EBF2: variants seen among roughly 807,000 people sequenced by gnomAD.
EBF2 encodes the protein transcription factor COE2.
A neutral mutation model predicts 72.8 loss-of-function variants in EBF2; 21 were observed. The ratio of observed to expected loss-of-function variants is 0.29; its 90% CI spans 0.20 to 0.42. The LOEUF (loss-of-function observed/expected upper bound fraction) is 0.42, where lower values mean the gene tolerates loss of function less well. Among genes scored for constraint, EBF2 ranks in the 10% least tolerant of loss-of-function variants. The pLI is 1.00. For synonymous variants in EBF2, 299 were observed against 274.2 expected, an observed-to-expected ratio of 1.09 and a Z score of -0.89; for missense variants, 637 against 731.2, an observed-to-expected ratio of 0.87 and a Z score of 1.49.
At chr8:25,949,653 C>T (rs17816202) in intron 6 of EBF2, among the ~76,000 whole-genome samples, 5,249 of 152,106 alleles carry the variant, frequency 0.035, 132 homozygotes, top group Non-Finnish European at 0.053. Flanking sequence ...AATGAGGTTT[C>T]CAAATCATTC....
At chr8:25,967,350 A>C (rs1467134809) in intron 6 of EBF2, among the ~76,000 whole-genome samples, 2 of 152,340 alleles carry the variant, frequency 1.3e-5, no homozygotes, top group Middle Eastern at 3.4e-3. Context: ...ATGGGGTTAT[A>C]TCCCAATAAA....
chr8:25,916,002 T>C (rs570185903), intron 6 of EBF2, among the ~76,000 whole-genome samples: 2 of 152,178 alleles, frequency 1.3e-5, no homozygotes, highest in African/African-American at 4.8e-5. Flanking sequence ...TTAAAGACCT[T>C]ATGGCCAGAC....
intron 6 of EBF2, among the ~76,000 whole-genome samples, chr8:25,975,442 T>C (rs1212930624): frequency 6.6e-6 from 1 of 152,174 alleles, no homozygotes; most frequent in Non-Finnish European, 1.5e-5. Flanking sequence ...AAAATTCAGA[T>C]GTACATTTTT....
intron 6 of EBF2, among the ~76,000 whole-genome samples, chr8:25,975,612 T>C (rs996398863): frequency 6.6e-6 from 1 of 152,238 alleles, no homozygotes; most frequent in African/African-American, 2.4e-5. Flanking sequence ...TTTTAAAAAC[T>C]GTGCTATAGG....
Position 25,861,071 on chromosome 8 carries a change from C to T in EBF2, c.1320G>A (p.Glu440=). 1.2e-6 allele frequency: 2 copies of T among 1,614,076 alleles called. No homozygotes were observed. The highest frequency in any genetic ancestry group is 1.7e-6 in the Non-Finnish European group (2 of 1,180,012). ...YGSQLGVSIS[E]STQGNNQGYI... is the part of the protein sequence containing the mutation. ...TACCTTGATTATTTCCTTGTGTTGA[C>T]TCTGAGATGCTGACCCCAAGCTGGC... Residue 440 remains glutamate (E), a synonymous_variant, in exon 13 of 16, where the codon GAG becomes GAA. Coordinates refer to ENST00000520164, the MANE Select transcript of EBF2 (RefSeq NM_022659.4).
intron 6 of EBF2, among the ~76,000 whole-genome samples, chr8:25,946,211 A>G (rs1803766198): frequency 6.6e-6 from 1 of 152,260 alleles, no homozygotes; most frequent in African/African-American, 2.4e-5. Flanking sequence ...ATGAGGCAAT[A>G]ACTAAGAAGA....
intron 7 of EBF2, among the ~76,000 whole-genome samples, chr8:25,907,787 C>T (rs192401972): frequency 1.3e-5 from 2 of 152,248 alleles, no homozygotes; most frequent in Admixed American, 1.3e-4. Context: ...GTGTGAGTGG[C>T]AGGAAAGCCA....
chr8:25,945,134 G>C (rs1345444860), intron 6 of EBF2, among the ~76,000 whole-genome samples: 1 of 124,192 alleles, frequency 8.1e-6, no homozygotes, highest in East Asian at 2.4e-4. Flanking sequence ...GCTTCTTCAG[G>C]CCTTGTGACC....
At chr8:25,960,849 T>G (rs1585208895) in intron 6 of EBF2, among the ~76,000 whole-genome samples, 1 of 152,210 alleles carries the variant, frequency 6.6e-6, no homozygotes, top group South Asian at 2.1e-4. Flanking sequence ...CACTTAAAGG[T>G]ATCTTCCTTA....
rs150334180 is a variant in EBF2 at position 25,946,615 on chromosome 8, T to G, written c.552-38060A>C. On this transcript the variant is annotated intron_variant, in intron 6 of 15. Transcript: ENST00000520164. Reference sequence around the variant, plus strand: ...CTACTCCTAAACTATCCTCATTGAATGACAACACCCTCTTTGACCACCTGT... The same window carrying G: ...CTACTCCTAAACTATCCTCATTGAAGGACAACACCCTCTTTGACCACCTGT... Among the ~76,000 whole-genome samples, 966 of 152,280 alleles carry G rather than the reference T, an allele frequency of 6.3e-3. 10 individuals are homozygous for G. Among genetic ancestry groups the G allele is most frequent in the African/African-American group, 0.022 (915 of 41,546 alleles).
chr8:25,847,646 G>A (rs541698033), intron 15 of EBF2, among the ~76,000 whole-genome samples: 118 of 152,224 alleles, frequency 7.8e-4, no homozygotes, highest in African/African-American at 2.7e-3. Flanking sequence ...TAACAGACTA[G>A]GAAACTGAGG....
intron 10 of EBF2, among the ~76,000 whole-genome samples, chr8:25,865,168 GT>G (rs542541885): frequency 1.4e-3 from 218 of 152,206 alleles, no homozygotes; most frequent in Non-Finnish European, 2.1e-3. Context: ...AAAAATTTCA[GT>G]TGCATTAAAC....
intron 6 of EBF2, among the ~76,000 whole-genome samples, chr8:25,910,191 A>G (rs1437296632): frequency 6.6e-6 from 1 of 152,196 alleles, no homozygotes; most frequent in Non-Finnish European, 1.5e-5. Context: ...GTAAGTAAAG[A>G]CTGATCAGAA....
chr8:25,922,258 AAAAAC>A, intron 6 of EBF2, among the ~76,000 whole-genome samples: 1 of 152,228 alleles, frequency 6.6e-6, no homozygotes, highest in African/African-American at 2.4e-5. Flanking sequence ...CTTAAAAAAA[AAAAAC>A]AAACAAAAAA....
At chr8:25,960,495 C>G (rs140005084) in intron 6 of EBF2, among the ~76,000 whole-genome samples, 5 of 152,238 alleles carry the variant, frequency 3.3e-5, no homozygotes, top group African/African-American at 1.2e-4. Context: ...CAGATCTCCT[C>G]GGGATATTGA....
At chr8:25,903,090 A>G (rs926166205) in intron 7 of EBF2, among the ~76,000 whole-genome samples, 2 of 151,684 alleles carry the variant, frequency 1.3e-5, no homozygotes, top group Non-Finnish European at 2.9e-5. Context: ...TAGCAGACAT[A>G]TATATTTATA....
intron 6 of EBF2, among the ~76,000 whole-genome samples, chr8:26,012,993 G>C (rs1199821250): frequency 6.6e-6 from 1 of 152,094 alleles, no homozygotes; most frequent in Non-Finnish European, 1.5e-5. Flanking sequence ...AGTTGGTGGG[G>C]GATTGGAAAT....
intron 14 of EBF2, chr8:25,858,059 AC>A: frequency 1.6e-6 from 1 of 617,660 alleles, no homozygotes; most frequent in Non-Finnish European, 3.0e-6. Flanking sequence ...TTCCACTTAC[AC>A]AGGCCACACA....
At chr8:25,902,837 G>A (rs766807467) in intron 7 of EBF2, among the ~76,000 whole-genome samples, 2 of 152,186 alleles carry the variant, frequency 1.3e-5, no homozygotes, top group Non-Finnish European at 1.5e-5. Context: ...GTTGGAGAGG[G>A]GTGAAGGGTT....
Sources: gnomAD v4.1 joint callset for allele counts (sites outside exome capture counted in the v4.1 genomes callset) on GRCh38, gnomAD v4.1.1 for gene constraint, MANE v1.5 for transcripts, NCBI Gene and HGNC (gene_info 2026-07-23, HGNC 2026-07-21) for gene names.